Variants in EIPR1 observed in about 807,000 individuals in gnomAD.
The protein encoded by EIPR1 is EARP and GARP complex-interacting protein 1.
Under a neutral mutation model 48.1 loss-of-function variants are expected in EIPR1, and 25 were observed. The ratio of observed to expected loss-of-function variants is 0.52; its 90% CI spans 0.38 to 0.73. The LOEUF (loss-of-function observed/expected upper bound fraction) is 0.73, where lower values mean the gene tolerates loss of function less well. Among genes scored for constraint, EIPR1 ranks in the 30% least tolerant of loss-of-function variants. The pLI, the probability that EIPR1 is intolerant of heterozygous loss-of-function variation, is 0.00. For synonymous variants in EIPR1, 204 were observed against 201.9 expected, an observed-to-expected ratio of 1.01 and a Z score of -0.09; for missense variants, 415 against 506.2, an observed-to-expected ratio of 0.82 and a Z score of 1.73.
At chr2:3,193,896 G>T in intron 7 of EIPR1, 103 bp downstream of exon 7, 2 of 1,301,496 alleles carry the variant, frequency 1.5e-6, no homozygotes, top group Non-Finnish European at 2.1e-6. Context: ...ATGATTCACA[G>T]CAGCACAAAC....
At chr2:3,242,284 GCCCCTAACTCCACACCACACACCT>G in intron 4 of EIPR1, among the ~76,000 whole-genome samples, 1 of 15,116 alleles carries the variant, frequency 6.6e-5, no homozygotes, top group Admixed American at 1.1e-3. Context: ...GAGATTTCAG[GCCCCTAACTCCACACCACACACCT>G]GGCAGCAGCC....
At chr2:3,329,944 C>A (rs1166087618) in intron 3 of EIPR1, among the ~76,000 whole-genome samples, 2 of 148,752 alleles carry the variant, frequency 1.3e-5, no homozygotes, top group African/African-American at 5.0e-5. Context: ...AGCCTGGACT[C>A]CCCTGGATCA....
intron 7 of EIPR1, among the ~76,000 whole-genome samples, chr2:3,193,260 G>A (rs773714058): frequency 3.5e-4 from 53 of 152,214 alleles, no homozygotes; most frequent in African/African-American, 2.9e-4. Context: ...CTACCAATCC[G>A]GGGTTTTAAC....
At chr2:3,321,530 G>C (rs889656871) in intron 3 of EIPR1, among the ~76,000 whole-genome samples, 10 of 152,158 alleles carry the variant, frequency 6.6e-5, no homozygotes, top group Admixed American at 1.3e-4. Flanking sequence ...GTTTCACAAA[G>C]AGGAGACTAA....
At chr2:3,260,917 T>C (rs1402577016) in intron 3 of EIPR1, among the ~76,000 whole-genome samples, 1 of 152,196 alleles carries the variant, frequency 6.6e-6, no homozygotes, top group Non-Finnish European at 1.5e-5. Context: ...CTCTCACGGA[T>C]TGTGAAAAAA....
At chr2:3,371,200 C>T (rs1330732280) in intron 1 of EIPR1, among the ~76,000 whole-genome samples, 1 of 152,078 alleles carries the variant, frequency 6.6e-6, no homozygotes, top group Non-Finnish European at 1.5e-5. Context: ...AGAGGTTTTG[C>T]CACCACCAGG....
Position 3,214,022 on chromosome 2 carries a change from C to T in EIPR1, c.516+127G>A, listed in dbSNP as rs1665542123. ...CGCTCCCCCAACCCCACGACAGGCCCTGGTGTGTGATGTTCCCCACCCTGT... is the reference window on the plus strand; with the variant it reads ...CGCTCCCCCAACCCCACGACAGGCCTTGGTGTGTGATGTTCCCCACCCTGT... On this transcript the variant is annotated intron_variant, in intron 5 of 8. Transcript: ENST00000382125. The T allele has an allele frequency of 9.5e-6, 7 of 735,194 alleles. No individual in the cohort carries two copies. The South Asian group carries it at 1.2e-4, about 13-fold the overall frequency. The allele number at this position is 735,194 out of a possible 1,614,324, so 45.5% of individuals were successfully genotyped here. A position where few individuals can be genotyped will look rare whatever the true frequency, so the allele number is the denominator to read the frequency against.
At chr2:3,257,147 C>G in intron 4 of EIPR1, 152 bp downstream of exon 4, 1 of 1,020,452 alleles carries the variant, frequency 9.8e-7, no homozygotes, top group South Asian at 1.9e-5. Flanking sequence ...AACACAGGGA[C>G]TAAAATTAAA....
In EIPR1 at chr2:3,305,646, C is replaced by A. The variant is rs570088401; in HGVS notation, c.259+32371G>T. Among the ~76,000 whole-genome samples, 85 of 152,284 alleles carry A rather than the reference C, an allele frequency of 5.6e-4. 1 individual carries two copies. The highest frequency in any genetic ancestry group is 2.9e-3 in the South Asian group (14 of 4,820). On this transcript the variant is annotated intron_variant, in intron 3 of 8. Coordinates refer to ENST00000382125, the MANE Select transcript of EIPR1 (RefSeq NM_003310.5). The stretch of plus-strand genomic sequence containing the variant: ...TGACAACCCTGGGGAGGAGCAGGTG[C>A]AGGAGACGGGGAAAGACAGACAAAG...
chr2:3,265,970 TAC>T (rs1454071348), intron 3 of EIPR1, among the ~76,000 whole-genome samples: 18 of 152,308 alleles, frequency 1.2e-4, no homozygotes, highest in African/African-American at 4.3e-4. Context: ...TTGAAGCCAC[TAC>T]CTACTTTTCA....
chr2:3,310,978 C>T (rs1463302607), intron 3 of EIPR1, among the ~76,000 whole-genome samples: 2 of 152,006 alleles, frequency 1.3e-5, no homozygotes, highest in East Asian at 1.9e-4. Flanking sequence ...TGAAATTTTA[C>T]GTACAAGACC....
At chr2:3,288,629 T>C (rs1185733159) in intron 3 of EIPR1, among the ~76,000 whole-genome samples, 2 of 152,110 alleles carry the variant, frequency 1.3e-5, no homozygotes, top group African/African-American at 4.8e-5. Context: ...GCCTTCCCAG[T>C]TCCTCGGGCA....
intron 3 of EIPR1, chr2:3,282,413 G>C (rs1459833143): frequency 6.6e-6 from 1 of 152,276 alleles, no homozygotes; most frequent in Non-Finnish European, 1.5e-5. Flanking sequence ...CAATGAGCCC[G>C]GCACTTCCTT....
chr2:3,209,613 G>A (rs749347264), intron 5 of EIPR1, among the ~76,000 whole-genome samples: 1 of 152,202 alleles, frequency 6.6e-6, no homozygotes, highest in Non-Finnish European at 1.5e-5. Flanking sequence ...AAGGGACAAT[G>A]CATAAAAGGA....
chr2:3,351,420 T>C (rs534548311), intron 2 of EIPR1, among the ~76,000 whole-genome samples: 16 of 152,366 alleles, frequency 1.1e-4, no homozygotes, highest in South Asian at 4.1e-4. Flanking sequence ...AATTTACTCA[T>C]AACTATCATG....
intron 1 of EIPR1, among the ~76,000 whole-genome samples, chr2:3,355,659 G>A (rs908928304): frequency 8.3e-5 from 10 of 121,056 alleles, no homozygotes; most frequent in African/African-American, 2.7e-4. Context: ...AAAATAAATT[G>A]TAAAAATCAT....
At chr2:3,252,769 C>A (rs1287577243) in intron 4 of EIPR1, among the ~76,000 whole-genome samples, 1 of 152,172 alleles carries the variant, frequency 6.6e-6, no homozygotes, top group Non-Finnish European at 1.5e-5. Flanking sequence ...CCCTGCCGGG[C>A]AGAGCTGCAG....
chr2:3,292,963 C>T (rs1385083453), intron 3 of EIPR1, among the ~76,000 whole-genome samples: 1 of 152,140 alleles, frequency 6.6e-6, no homozygotes, highest in Non-Finnish European at 1.5e-5. Context: ...TCCTTTTCCA[C>T]ATTAAACGAA....
chr2:3,198,139 A>G (rs960687043), intron 5 of EIPR1, among the ~76,000 whole-genome samples: 11 of 152,128 alleles, frequency 7.2e-5, no homozygotes, highest in African/African-American at 2.7e-4. Flanking sequence ...GAACAGAAAG[A>G]CGGGCAGTTC....
Sources: allele counts gnomAD v4.1 joint callset (sites outside exome capture counted in the v4.1 genomes callset), GRCh38; gene constraint gnomAD v4.1.1; transcripts MANE v1.5; gene names NCBI Gene and HGNC (gene_info 2026-07-23, HGNC 2026-07-21).